The following BANK1 variants were observed in gnomAD, a reference collection of about 807,000 sequenced individuals.
BANK1 encodes B cell scaffold protein with ankyrin repeats 1.
In BANK1, 95 loss-of-function variants were observed where a neutral mutation model predicts 94.5. The ratio of observed to expected loss-of-function variants is 1.00; its 90% CI spans 0.85 to 1.19. The LOEUF (loss-of-function observed/expected upper bound fraction) is 1.19, where lower values mean the gene tolerates loss of function less well. BANK1 is among the 50% of genes most tolerant of loss of function. The pLI is 0.00. For missense variants in BANK1, 987 were observed against 932.2 expected (o/e 1.06, Z -0.77); for synonymous variants, 334 against 308.4 (o/e 1.08, Z -0.87).
In BANK1 at chr4:102,039,106, A is replaced by C. The variant is rs559876554; in HGVS notation, c.1901-4733A>C. On this transcript the variant is annotated intron_variant, in intron 10 of 16. Coordinates refer to ENST00000322953, the MANE Select transcript of BANK1 (RefSeq NM_017935.5). Reference sequence around the variant, plus strand: ...ACCATTTACAGATTCTTCTTAAAAAAATAATGCCACAACTCCACCTACATA... The same window carrying C: ...ACCATTTACAGATTCTTCTTAAAAACATAATGCCACAACTCCACCTACATA... 9.9e-5 allele frequency among the ~76,000 whole-genome samples: 15 copies of C among 152,270 alleles called. No individual in the cohort carries two copies. The South Asian group carries it at 2.9e-3, about 29-fold the overall frequency.
At chr4:102,025,562 G>A in intron 9 of BANK1, 53 bp downstream of exon 9, 1 of 1,532,178 alleles carries the variant, frequency 6.5e-7, no homozygotes, top group Admixed American at 1.8e-5. Flanking sequence ...ATCTTTGACA[G>A]GCTTACATAG....
chr4:101,852,503 T>TATATATATATAC (rs1448887346), intron 2 of BANK1, among the ~76,000 whole-genome samples: 13 of 80,174 alleles, frequency 1.6e-4, no homozygotes, highest in East Asian at 3.6e-4. Context: ...TATATATATA[T>TATATATATATAC]ACACACACAC....
rs572070656 is a variant in BANK1 at position 102,054,254 on chromosome 4, G to T, written c.1970-5957G>T. On this transcript the variant is annotated intron_variant, in intron 11 of 16. Coordinates refer to ENST00000322953, the MANE Select transcript of BANK1 (RefSeq NM_017935.5). Reference sequence around the variant, plus strand: ...AACTCAATTCTGTTATACTCTGAAGGCCAAACTTGTAATCACCTTCTGTAC... The same window carrying T: ...AACTCAATTCTGTTATACTCTGAAGTCCAAACTTGTAATCACCTTCTGTAC... Among the ~76,000 whole-genome samples the T allele has an allele frequency of 1.9e-4, 29 of 152,200 alleles. 1 individual carries two copies. The South Asian group carries it at 6.0e-3, about 32-fold the overall frequency.
At chr4:101,909,193 C>A (rs969043446) in intron 6 of BANK1, among the ~76,000 whole-genome samples, 1 of 152,124 alleles carries the variant, frequency 6.6e-6, no homozygotes, top group African/African-American at 2.4e-5. Context: ...AAATATACAC[C>A]ATGGAATACT....
In BANK1 at chr4:101,870,598, A is replaced by G. The variant is rs1446575198; in HGVS notation, c.857A>G (p.Lys286Arg). Residue 286 changes from lysine (K) to arginine (R), a missense_variant, in exon 5 of 17, where the codon AAG becomes AGG. By Grantham distance (26) the Lys-to-Arg change is conservative. Coordinates refer to ENST00000322953, the MANE Select transcript of BANK1 (RefSeq NM_017935.5). ...KIKYYPTAKAKECLFRMADSG... is the reference protein window; with the variant it reads ...KIKYYPTAKARECLFRMADSG... ...AAGTACTACCCAACAGCAAAGGCAA[A>G]GGAATGCCTATTCAGAATGGCAGAT... 1.9e-6 allele frequency: 3 copies of G among 1,612,840 alleles called. No homozygotes were observed. Among genetic ancestry groups the G allele is most frequent in the Non-Finnish European group, 2.5e-6 (3 of 1,179,230 alleles).
intron 7 of BANK1, among the ~76,000 whole-genome samples, chr4:101,980,525 C>G (rs1233000947): frequency 6.6e-6 from 1 of 151,632 alleles, no homozygotes; most frequent in South Asian, 2.1e-4. Context: ...TAAGGCTGCT[C>G]CCCTCCTCCC....
intron 7 of BANK1, among the ~76,000 whole-genome samples, chr4:102,005,631 G>A (rs965298887): frequency 6.6e-6 from 1 of 151,950 alleles, no homozygotes; most frequent in African/African-American, 2.4e-5. Flanking sequence ...AAATGAGTTC[G>A]CTAACACCAT....
rs532683237 is a variant in BANK1 at position 101,870,549 on chromosome 4, A to G, written c.808A>G (p.Ile270Val). 4.2e-5 allele frequency: 68 copies of G among 1,612,854 alleles called. 1 individual carries two copies. The South Asian group carries it at 7.1e-4, about 17-fold the overall frequency. ...SVHVNVYCDG[I>V]VKATTKIKYY... ...CCATGTCAATGTCTACTGTGATGGA[A>G]TCGTTAAAGCTACAACCAAAATTAA... Residue 270 changes from isoleucine (I) to valine (V), a missense_variant, in exon 5 of 17, where the codon ATC becomes GTC. Transcript: ENST00000322953.
At chr4:101,992,199 C>T (rs956237214) in intron 7 of BANK1, among the ~76,000 whole-genome samples, 1 of 152,014 alleles carries the variant, frequency 6.6e-6, no homozygotes, top group Non-Finnish European at 1.5e-5. Flanking sequence ...CATTTTAGTT[C>T]AATGGGAAGA....
chr4:101,962,383 C>G (rs116207021), intron 7 of BANK1, among the ~76,000 whole-genome samples: 75 of 152,254 alleles, frequency 4.9e-4, no homozygotes, highest in Middle Eastern at 3.4e-3. Context: ...GGCAATATTT[C>G]TTTTCTGTTT....
At chr4:101,937,393 T>TA (rs1291251311) in intron 7 of BANK1, among the ~76,000 whole-genome samples, 1 of 150,358 alleles carries the variant, frequency 6.7e-6, no homozygotes, top group Non-Finnish European at 1.5e-5. Flanking sequence ...TTTACAAGAA[T>TA]AAAAAAACAA....
chr4:101,859,635 A>C (rs4443287), intron 3 of BANK1, among the ~76,000 whole-genome samples: 84,018 of 152,006 alleles, frequency 0.55, 24,720 homozygotes, highest in African/African-American at 0.76. Flanking sequence ...TAAATTAGCT[A>C]ATGTAATTAA....
Position 101,883,418 on chromosome 4 carries a change from C to A in BANK1, c.904-11887C>A, listed in dbSNP as rs10008456. 6.3e-3 allele frequency among the ~76,000 whole-genome samples: 962 copies of A among 152,254 alleles called. 11 individuals carry two copies. Among genetic ancestry groups the A allele is most frequent in the African/African-American group, 0.021 (890 of 41,550 alleles). Reference sequence around the variant, plus strand: ...TTTTTTAAATCTTATAAGTCATCTTCGTCTATTTTCATAGTTATTGCCCCC... The same window carrying A: ...TTTTTTAAATCTTATAAGTCATCTTAGTCTATTTTCATAGTTATTGCCCCC... On this transcript the variant is annotated intron_variant, in intron 5 of 16. Transcript: ENST00000322953.
chr4:101,902,295 T>C (rs985884710), intron 6 of BANK1, among the ~76,000 whole-genome samples: 2 of 152,192 alleles, frequency 1.3e-5, no homozygotes, highest in African/African-American at 2.4e-5. Context: ...AAGATGCAAA[T>C]GGAAATTACT....
intron 6 of BANK1, among the ~76,000 whole-genome samples, chr4:101,907,266 A>G (rs1722487439): frequency 6.6e-6 from 1 of 152,230 alleles, no homozygotes; most frequent in Non-Finnish European, 1.5e-5. Context: ...AAGTCAATAA[A>G]TGTAATCCAG....
At chr4:101,832,381 A>G (rs1726655440) in intron 2 of BANK1, among the ~76,000 whole-genome samples, 1 of 152,272 alleles carries the variant, frequency 6.6e-6, no homozygotes, top group Admixed American at 6.5e-5. Context: ...TTCTTAACTT[A>G]TATCTAAGTT....
intron 11 of BANK1, among the ~76,000 whole-genome samples, chr4:102,047,051 T>A (rs1296024940): frequency 6.6e-6 from 1 of 152,112 alleles, no homozygotes; most frequent in Non-Finnish European, 1.5e-5. Flanking sequence ...TACTAACCAC[T>A]CCCAGTCAGG....
chr4:101,984,442 A>G (rs1725419644), intron 7 of BANK1, among the ~76,000 whole-genome samples: 1 of 152,024 alleles, frequency 6.6e-6, no homozygotes, highest in Non-Finnish European at 1.5e-5. Context: ...TTTGATGAAG[A>G]TTTTCTATCC....
chr4:101,827,455 T>C (rs1345566224), intron 1 of BANK1, among the ~76,000 whole-genome samples: 1 of 151,990 alleles, frequency 6.6e-6, no homozygotes, highest in Non-Finnish European at 1.5e-5. Flanking sequence ...GATTAAATTC[T>C]ATTAAAGATG....
Sources: gnomAD v4.1 joint callset for allele counts (sites outside exome capture counted in the v4.1 genomes callset) on GRCh38, gnomAD v4.1.1 for gene constraint, MANE v1.5 for transcripts, NCBI Gene and HGNC (gene_info 2026-07-23, HGNC 2026-07-21) for gene names.